CACNA1C: variants seen among roughly 807,000 people sequenced by gnomAD.
CACNA1C encodes the protein voltage-dependent L-type calcium channel subunit alpha-1C.
In CACNA1C, 30 loss-of-function variants were observed where a neutral mutation model predicts 229.0. That is an observed-to-expected ratio of 0.13 (90% CI 0.10 to 0.18). The LOEUF (loss-of-function observed/expected upper bound fraction) is 0.18, where lower values mean the gene tolerates loss of function less well. Among genes scored for constraint, CACNA1C ranks in the 10% least tolerant of loss-of-function variants. CACNA1C has a pLI of 1.00. For synonymous variants in CACNA1C, 1,114 were observed against 1,132.5 expected (o/e 0.98, Z 0.33); for missense variants, 1,658 against 2,845.0 (o/e 0.58, Z 9.49).
At chr12:2,242,319 G>A (rs1404025652) in intron 3 of CACNA1C, among the ~76,000 whole-genome samples, 1 of 152,178 alleles carries the variant, frequency 6.6e-6, no homozygotes, top group Admixed American at 6.5e-5. Context: ...CACAGAGACA[G>A]CAATGCAAGG....
chr12:2,136,039 C>T (rs548065249), intron 3 of CACNA1C, among the ~76,000 whole-genome samples: 4 of 150,894 alleles, frequency 2.7e-5, no homozygotes, highest in South Asian at 2.1e-4. Context: ...GTCTGAAAAG[C>T]GCAATATTCG....
In CACNA1C at chr12:2,071,172, C is replaced by CCCTTCCTGCCTG. The variant is rs1555115765; in HGVS notation, c.49+17564_49+17565insTCCTGCCTGCCT. On this transcript the variant is annotated intron_variant, in intron 1 of 46. Coordinates refer to ENST00000399655, the MANE Select transcript of CACNA1C (RefSeq NM_000719.7). The stretch of plus-strand genomic sequence containing the variant: ...TCCCTCCCTCCCTCCCTCCCTCCCT[C>CCCTTCCTGCCTG]CCTGCCTGCCTGCCTGCCTGCCTGC... Among the ~76,000 whole-genome samples, 43 of 16,042 alleles carry CCCTTCCTGCCTG rather than the reference C, an allele frequency of 2.7e-3. 14 individuals are homozygous for CCCTTCCTGCCTG. The highest frequency in any genetic ancestry group is 3.8e-3 in the Non-Finnish European group (33 of 8,694). 10.5% of individuals were successfully genotyped at this position (16,042 alleles called of 152,430 possible).
chr12:2,154,769 G>A (rs570581773), intron 3 of CACNA1C, among the ~76,000 whole-genome samples: 11 of 152,312 alleles, frequency 7.2e-5, no homozygotes, highest in Middle Eastern at 3.4e-3. Context: ...ATGTCTGATC[G>A]GAGAGTTTAG....
At chr12:2,194,199 TC>T (rs1266846236) in intron 3 of CACNA1C, among the ~76,000 whole-genome samples, 1 of 125,466 alleles carries the variant, frequency 8.0e-6, no homozygotes. Context: ...CCCCTCCTGC[TC>T]CCCCCTGTGT....
chr12:2,228,752 C>T (rs2063791019), intron 3 of CACNA1C, among the ~76,000 whole-genome samples: 1 of 152,200 alleles, frequency 6.6e-6, no homozygotes, highest in South Asian at 2.1e-4. Flanking sequence ...GGCTACCTGG[C>T]ATGAACAGTG....
intron 21 of CACNA1C, among the ~76,000 whole-genome samples, chr12:2,599,538 G>C (rs1281479203): frequency 6.6e-6 from 1 of 152,218 alleles, no homozygotes; most frequent in Non-Finnish European, 1.5e-5. Context: ...ATAGCTAGAA[G>C]AGCTGCCTGG....
At chr12:2,196,641 G>A (rs915249636) in intron 3 of CACNA1C, among the ~76,000 whole-genome samples, 1 of 152,202 alleles carries the variant, frequency 6.6e-6, no homozygotes, top group Non-Finnish European at 1.5e-5. Context: ...AATTGCAGTT[G>A]CAGACTCCCT....
intron 9 of CACNA1C, among the ~76,000 whole-genome samples, chr12:2,549,025 A>T (rs570071849): frequency 6.6e-6 from 1 of 152,312 alleles, no homozygotes; most frequent in African/African-American, 2.4e-5. Flanking sequence ...GTGGAGAAAA[A>T]TTCTTTGAGT....
At chr12:2,372,770 T>C (rs886898) in intron 3 of CACNA1C, among the ~76,000 whole-genome samples, 134,597 of 152,136 alleles carry the variant, frequency 0.88, 59,898 homozygotes, top group African/African-American at 0.97. Context: ...GCATGTTCCT[T>C]GAGGCCTGTC....
chr12:2,021,438 G>C (rs191269873), intron 1 of CACNA1C, among the ~76,000 whole-genome samples: 34 of 152,266 alleles, frequency 2.2e-4, no homozygotes, highest in Middle Eastern at 6.8e-3. Context: ...CAGCACTTTG[G>C]GGGGCTGAGG....
chr12:2,174,402 C>A (rs935830116), intron 3 of CACNA1C, among the ~76,000 whole-genome samples: 5 of 152,184 alleles, frequency 3.3e-5, no homozygotes, highest in African/African-American at 7.2e-5. Flanking sequence ...TCATTAAGTT[C>A]ATCTATAAGA....
At chr12:2,017,507 T>G (rs1054473323) in intron 1 of CACNA1C, among the ~76,000 whole-genome samples, 1 of 152,032 alleles carries the variant, frequency 6.6e-6, no homozygotes, top group South Asian at 2.1e-4. Flanking sequence ...ATTTTGGTAA[T>G]GTAGATCATT....
chr12:2,526,224 C>T (rs2099818287), intron 9 of CACNA1C, among the ~76,000 whole-genome samples: 1 of 152,208 alleles, frequency 6.6e-6, no homozygotes, highest in Non-Finnish European at 1.5e-5. Flanking sequence ...GCTCCAGGTC[C>T]CTGAGTCTGT....
chr12:2,317,497 G>C (rs2095754519), intron 3 of CACNA1C, among the ~76,000 whole-genome samples: 1 of 152,174 alleles, frequency 6.6e-6, no homozygotes, highest in Non-Finnish European at 1.5e-5. Flanking sequence ...GCTGAAGGGA[G>C]TGGGGAATGG....
At position 2,691,286 on chromosome 12, in the gene CACNA1C, C is replaced by A; in HGVS notation, c.*87C>A. ...AGAAGTGCCTCACTGTTCTCGTGAC[C>A]TGGAGTTAACCGGAACAGCGTCTTC... is the stretch of plus-strand genomic sequence containing the variant. On this transcript the variant is annotated 3_prime_UTR_variant, in exon 47 of 47. Coordinates refer to ENST00000399655, the MANE Select transcript of CACNA1C (RefSeq NM_000719.7). 7.8e-7 allele frequency: 1 copy of A among 1,287,048 alleles called. No homozygotes were observed. The highest frequency in any genetic ancestry group is 1.0e-6 in the Non-Finnish European group (1 of 966,432). 79.7% of individuals were successfully genotyped at this position (1,287,048 alleles called of 1,614,324 possible). A position where few individuals can be genotyped will look rare whatever the true frequency, so the allele number is the denominator to read the frequency against.
intron 10 of CACNA1C, among the ~76,000 whole-genome samples, chr12:2,552,110 T>G (rs1449102718): frequency 6.6e-6 from 1 of 152,124 alleles, no homozygotes; most frequent in Admixed American, 6.5e-5. Context: ...GACAAAGGAA[T>G]GTTAAGAGAA....
chr12:2,119,900 T>G (rs1471747485), intron 2 of CACNA1C, among the ~76,000 whole-genome samples: 1 of 152,286 alleles, frequency 6.6e-6, no homozygotes, highest in Admixed American at 6.5e-5. Context: ...CTTGGAATCC[T>G]GTTCCACCCA....
chr12:2,598,097 C>T (rs2069430509), intron 21 of CACNA1C, among the ~76,000 whole-genome samples: 1 of 152,240 alleles, frequency 6.6e-6, no homozygotes, highest in African/African-American at 2.4e-5. Flanking sequence ...AGGGCCATTA[C>T]AGACTACTGC....
In CACNA1C at chr12:2,493,489, ACGC is replaced by A; in HGVS notation, c.1113+104_1113+106del. 1 of 827,444 alleles carries A rather than the reference ACGC, an allele frequency of 1.2e-6. No homozygotes were observed. The highest frequency in any genetic ancestry group is 1.6e-5 in the South Asian group (1 of 62,564). 51.3% of individuals were successfully genotyped at this position (827,444 alleles called of 1,614,324 possible). ...CCTCCCCATGGTCTTGGGGTCACAT[ACGC>A]ATCTTGATGGAATGGTTGATGAAGA... On this transcript the variant is annotated intron_variant, in intron 7 of 46. Coordinates refer to ENST00000399655, the MANE Select transcript of CACNA1C (RefSeq NM_000719.7). The surrounding 1 kb of genome is among the most constrained non-coding windows in gnomAD (Gnocchi z 4.6).
Sources: gnomAD v4.1 joint callset for allele counts (sites outside exome capture counted in the v4.1 genomes callset) on GRCh38, gnomAD v4.1.1 for gene constraint, Gnocchi (gnomAD v3.1) non-coding constraint, MANE v1.5 for transcripts, NCBI Gene and HGNC (gene_info 2026-07-23, HGNC 2026-07-21) for gene names.